Variants in ADGRB3 observed in about 807,000 individuals in gnomAD.
ADGRB3 encodes adhesion G protein-coupled receptor B3, also known as brain-specific angiogenesis inhibitor 3.
A neutral mutation model predicts 193.4 loss-of-function variants in ADGRB3; 37 were observed. The observed-to-expected ratio is 0.19, with a 90% CI of 0.15 to 0.25. The LOEUF is 0.25. ADGRB3 is among the 10% of genes least tolerant of loss of function. The pLI is 1.00. For synonymous variants in ADGRB3, 690 were observed against 644.2 expected (o/e 1.07, Z -1.08); for missense variants, 1,637 against 1,852.9 (o/e 0.88, Z 2.14).
chr6:69,110,779 C>T (rs927960249), intron 17 of ADGRB3, among the ~76,000 whole-genome samples: 2 of 152,078 alleles, frequency 1.3e-5, no homozygotes, highest in African/African-American at 2.4e-5. Context: ...GTGAAGAAAG[C>T]AGGAAAATTA....
Position 69,389,052 on chromosome 6 carries a change from A to T in ADGRB3, c.*161A>T. The T allele has an allele frequency of 4.6e-6, 3 of 652,532 alleles. No individual in the cohort carries two copies. Among genetic ancestry groups the T allele is most frequent in the Non-Finnish European group, 7.6e-6 (3 of 395,604 alleles). The allele number at this position is 652,532 out of a possible 1,614,324, so 40.4% of individuals were successfully genotyped here. On this transcript the variant is annotated 3_prime_UTR_variant, in exon 32 of 32. Transcript: ENST00000370598. ...TTCATATGGTAACTTCTCACTAGTC[A>T]GGCTAGTGGAGAGATGACCAGGTGT... is the stretch of plus-strand genomic sequence containing the variant.
At chr6:68,835,138 G>A (rs1020364264) in intron 3 of ADGRB3, among the ~76,000 whole-genome samples, 11 of 152,012 alleles carry the variant, frequency 7.2e-5, no homozygotes, top group Admixed American at 4.6e-4. Context: ...TTACACAATG[G>A]GACTTCAAGA....
At chr6:69,227,977 C>T (rs576412824) in intron 17 of ADGRB3, among the ~76,000 whole-genome samples, 5 of 152,252 alleles carry the variant, frequency 3.3e-5, no homozygotes, top group Admixed American at 6.5e-5. Context: ...TTACATGGGC[C>T]GGGTGTGGTG....
chr6:68,783,316 T>G (rs1766896713), intron 3 of ADGRB3, among the ~76,000 whole-genome samples: 1 of 145,382 alleles, frequency 6.9e-6, no homozygotes, highest in Non-Finnish European at 1.5e-5. Context: ...ATAACATACA[T>G]ATATATAATA....
intron 17 of ADGRB3, among the ~76,000 whole-genome samples, chr6:69,186,125 A>G (rs1197986894): frequency 6.7e-6 from 1 of 148,150 alleles, no homozygotes; most frequent in Non-Finnish European, 1.5e-5. Context: ...GAAACTGGGT[A>G]TTCTCCTTTG....
chr6:69,330,311 T>C (rs1442789609), intron 22 of ADGRB3, among the ~76,000 whole-genome samples, 195 bp from the exon 23 acceptor site: 1 of 152,230 alleles, frequency 6.6e-6, no homozygotes, highest in Non-Finnish European at 1.5e-5. Flanking sequence ...GAGTTAGATA[T>C]ATATAGTATT....
intron 3 of ADGRB3, among the ~76,000 whole-genome samples, chr6:68,745,991 C>A (rs771477043): frequency 1.3e-5 from 2 of 151,892 alleles, no homozygotes; most frequent in African/African-American, 4.8e-5. Context: ...ATATTTATTG[C>A]AAAATTGCTA....
intron 16 of ADGRB3, among the ~76,000 whole-genome samples, chr6:69,066,757 C>T (rs1013047848): frequency 9.2e-5 from 14 of 151,972 alleles, no homozygotes; most frequent in Admixed American, 9.2e-4. Context: ...TTTTTTCTCC[C>T]TCCAAAAATT....
intron 17 of ADGRB3, among the ~76,000 whole-genome samples, chr6:69,221,693 T>G (rs1765898540): frequency 6.6e-6 from 1 of 152,188 alleles, no homozygotes; most frequent in African/African-American, 2.4e-5. Context: ...TATATGGTTC[T>G]TTTTAACTAT....
chr6:68,897,369 A>C (rs577174541), intron 3 of ADGRB3, among the ~76,000 whole-genome samples: 25 of 144,786 alleles, frequency 1.7e-4, no homozygotes, highest in African/African-American at 6.0e-4. Context: ...TAAAAGAAAA[A>C]GAAGGAAAGG....
At chr6:69,239,650 C>T (rs1026007018) in intron 20 of ADGRB3, among the ~76,000 whole-genome samples, 2 of 151,914 alleles carry the variant, frequency 1.3e-5, no homozygotes, top group South Asian at 4.1e-4. Flanking sequence ...TGTAACATCT[C>T]TCTTGAAAAT....
chr6:68,827,715 T>C (rs1767871771), intron 3 of ADGRB3, among the ~76,000 whole-genome samples: 1 of 152,092 alleles, frequency 6.6e-6, no homozygotes, highest in Non-Finnish European at 1.5e-5. Context: ...AGGGGTATGA[T>C]GTCTACAAGA....
chr6:69,364,836 A>T (rs1769534780), intron 29 of ADGRB3, among the ~76,000 whole-genome samples: 1 of 152,154 alleles, frequency 6.6e-6, no homozygotes, highest in Non-Finnish European at 1.5e-5. Context: ...TACATAGAGC[A>T]AAACAACAGC....
chr6:69,112,233 A>C (rs1295961857), intron 17 of ADGRB3, among the ~76,000 whole-genome samples: 2 of 152,076 alleles, frequency 1.3e-5, no homozygotes, highest in Non-Finnish European at 2.9e-5. Context: ...ACTTGGTTTC[A>C]ATTTCTGGAT....
intron 17 of ADGRB3, among the ~76,000 whole-genome samples, chr6:69,143,752 A>T (rs1028556539): frequency 1.3e-5 from 2 of 152,044 alleles, no homozygotes; most frequent in African/African-American, 4.8e-5. Flanking sequence ...TGTCTGTTTT[A>T]ATACCAGTAC....
intron 17 of ADGRB3, among the ~76,000 whole-genome samples, chr6:69,194,516 T>C (rs759750244): frequency 6.6e-6 from 1 of 152,116 alleles, no homozygotes; most frequent in Non-Finnish European, 1.5e-5. Context: ...AGTTCCTTTC[T>C]GTGTTGCCAA....
intron 19 of ADGRB3, among the ~76,000 whole-genome samples, chr6:69,237,350 G>A (rs759617065): frequency 6.6e-5 from 10 of 151,988 alleles, no homozygotes; most frequent in Non-Finnish European, 7.4e-5. Context: ...ATTTGGTGGC[G>A]TTGCATGTAG....
intron 3 of ADGRB3, among the ~76,000 whole-genome samples, chr6:68,705,500 C>A (rs1008274213): frequency 1.3e-5 from 2 of 152,184 alleles, no homozygotes; most frequent in Non-Finnish European, 1.5e-5. Flanking sequence ...TTTGAAGAAT[C>A]ATGATGGAAT....
chr6:69,040,514 T>A (rs958328819), intron 13 of ADGRB3, among the ~76,000 whole-genome samples: 1 of 150,936 alleles, frequency 6.6e-6, no homozygotes, highest in African/African-American at 2.4e-5. Flanking sequence ...ATTCACCCTG[T>A]ATACCAACAT....
Sources: gnomAD v4.1 joint callset for allele counts (sites outside exome capture counted in the v4.1 genomes callset) on GRCh38, gnomAD v4.1.1 for gene constraint, MANE v1.5 for transcripts, NCBI Gene and HGNC (gene_info 2026-07-23, HGNC 2026-07-21) for gene names.